GABRG3: variants seen among roughly 807,000 people sequenced by gnomAD.
GABRG3 encodes gamma-aminobutyric acid receptor subunit gamma-3.
GABRG3 carries 25 observed loss-of-function variants against 48.8 expected under a neutral mutation model. The ratio of observed to expected loss-of-function variants is 0.51; its 90% confidence interval spans 0.37 to 0.72. The LOEUF (loss-of-function observed/expected upper bound fraction) is 0.72. Among genes scored for constraint, GABRG3 ranks in the 30% least tolerant of loss-of-function variants. GABRG3 has a pLI of 0.00. For missense variants in GABRG3, 394 were observed against 577.9 expected (o/e 0.68, Z 3.26); for synonymous variants, 227 against 217.6 (o/e 1.04, Z -0.38).
chr15:27,087,118 G>A (rs967191199), intron 3 of GABRG3, among the ~76,000 whole-genome samples: 25 of 152,254 alleles, frequency 1.6e-4, no homozygotes, highest in African/African-American at 4.8e-4. Flanking sequence ...GATGGGTGAC[G>A]TGACCTGAGA....
At position 27,289,903 on chromosome 15, in the gene GABRG3, G is replaced by A. The variant is rs546803918; in HGVS notation, c.271-36906G>A. Among the ~76,000 whole-genome samples the A allele has an allele frequency of 1.7e-4, 26 of 152,212 alleles. No homozygotes were observed. In the South Asian group the frequency reaches 5.0e-3, roughly 29 times the overall value. ...CACACATCATTTCCTTGTTTTGGCC[G>A]GGGATAATGAGACTCCAGTGGTAAC... On this transcript the variant is annotated intron_variant, in intron 3 of 9. Coordinates refer to ENST00000615808, the MANE Select transcript of GABRG3 (RefSeq NM_033223.5).
Position 27,225,988 on chromosome 15 carries a change from A to G in GABRG3, c.271-100821A>G, listed in dbSNP as rs116522199. 9.3e-3 allele frequency among the ~76,000 whole-genome samples: 1,417 copies of G among 152,236 alleles called. 34 individuals carry two copies. The highest frequency in any genetic ancestry group is 0.032 in the African/African-American group (1,335 of 41,542). ...GAAATGATGACCACTTTTTGCATTTATTTCTCTGGATGTGTCTTGCAGGCA... is the reference window on the plus strand; with the variant it reads ...GAAATGATGACCACTTTTTGCATTTGTTTCTCTGGATGTGTCTTGCAGGCA... On this transcript the variant is annotated intron_variant, in intron 3 of 9. Transcript: ENST00000615808.
At chr15:27,145,618 T>TATCTATCTATC (rs1898191171) in intron 3 of GABRG3, among the ~76,000 whole-genome samples, 4 of 145,728 alleles carry the variant, frequency 2.7e-5, no homozygotes, top group Admixed American at 7.0e-5. Flanking sequence ...TCTATCTATC[T>TATCTATCTATC]ATCTATCTAT....
intron 5 of GABRG3, among the ~76,000 whole-genome samples, chr15:27,387,877 GGGAGGGGAAGGAGGGAAGGAAGGAAGGA>G (rs1895978712): frequency 1.3e-5 from 1 of 77,418 alleles, no homozygotes; most frequent in Non-Finnish European, 2.8e-5. Context: ...GAGGGAGGGA[GGGAGGGGAAGGAGGGAAGGAAGGAAGGA>G]GGGAAGGAGG....
intron 2 of GABRG3, among the ~76,000 whole-genome samples, chr15:26,983,304 C>T (rs1297222967): frequency 6.6e-6 from 1 of 152,078 alleles, no homozygotes; most frequent in East Asian, 1.9e-4. Flanking sequence ...TTGCTCACTT[C>T]CTTTACACCC....
chr15:27,250,209 C>T (rs945192478), intron 3 of GABRG3, among the ~76,000 whole-genome samples: 1 of 152,270 alleles, frequency 6.6e-6, no homozygotes, highest in African/African-American at 2.4e-5. Context: ...TAGAGGAGCA[C>T]CATCAGCTCC....
At chr15:27,286,145 C>T (rs1354427920) in intron 3 of GABRG3, among the ~76,000 whole-genome samples, 3 of 152,194 alleles carry the variant, frequency 2.0e-5, no homozygotes, top group East Asian at 3.8e-4. Flanking sequence ...ATTCACTCAT[C>T]AAGCATTTTC....
chr15:27,293,806 C>A (rs906091989), intron 3 of GABRG3, among the ~76,000 whole-genome samples: 6 of 152,116 alleles, frequency 3.9e-5, no homozygotes, highest in African/African-American at 1.2e-4. Context: ...TATTGATTAT[C>A]TACTACAGGC....
At chr15:27,365,728 A>G (rs1895174009) in intron 5 of GABRG3, 1 of 152,144 alleles carries the variant, frequency 6.6e-6, no homozygotes, top group African/African-American at 2.4e-5. Flanking sequence ...GTTGTGTGCA[A>G]AACATTCCTG....
chr15:27,509,735 A>G (rs8038331), intron 6 of GABRG3, among the ~76,000 whole-genome samples: 91,358 of 152,024 alleles, frequency 0.6, 28,245 homozygotes, highest in African/African-American at 0.73. Context: ...CCATTATGCT[A>G]ATTTCCATTG....
chr15:27,131,294 A>T (rs376169122), intron 3 of GABRG3, among the ~76,000 whole-genome samples: 3 of 152,062 alleles, frequency 2.0e-5, no homozygotes, highest in Non-Finnish European at 1.5e-5. Flanking sequence ...TGAGATGATC[A>T]TGTGCTTTTT....
At chr15:27,227,838 A>G (rs1889672370) in intron 3 of GABRG3, among the ~76,000 whole-genome samples, 1 of 152,348 alleles carries the variant, frequency 6.6e-6, no homozygotes, top group African/African-American at 2.4e-5. Context: ...TTATTTGAAT[A>G]TGCCAGCCTA....
At chr15:27,399,085 A>C (rs1887404872) in intron 5 of GABRG3, among the ~76,000 whole-genome samples, 1 of 152,240 alleles carries the variant, frequency 6.6e-6, no homozygotes, top group Non-Finnish European at 1.5e-5. Context: ...CCACAAATCT[A>C]AATGAAAAGA....
At chr15:27,034,473 C>T (rs1419567101) in intron 3 of GABRG3, among the ~76,000 whole-genome samples, 4 of 152,146 alleles carry the variant, frequency 2.6e-5, no homozygotes, top group Non-Finnish European at 1.5e-5. Context: ...AAGAATAACT[C>T]TTTCCACACT....
At chr15:27,503,497 C>A (rs755365163) in intron 6 of GABRG3, among the ~76,000 whole-genome samples, 11 of 152,122 alleles carry the variant, frequency 7.2e-5, no homozygotes, top group Non-Finnish European at 1.0e-4. Context: ...TAAAATGGAA[C>A]TTTTGGATTT....
intron 3 of GABRG3, among the ~76,000 whole-genome samples, chr15:27,040,976 C>A (rs997227262): frequency 6.6e-6 from 1 of 152,108 alleles, no homozygotes; most frequent in African/African-American, 2.4e-5. Flanking sequence ...GTGAGGTGTG[C>A]TCGTGCGGGG....
At chr15:27,259,171 G>A (rs1014602863) in intron 3 of GABRG3, among the ~76,000 whole-genome samples, 7 of 152,140 alleles carry the variant, frequency 4.6e-5, no homozygotes, top group African/African-American at 1.7e-4. Context: ...CTTGACTATT[G>A]TGAATAGTGC....
intron 2 of GABRG3, among the ~76,000 whole-genome samples, chr15:27,005,864 A>C (rs989506184): frequency 6.6e-6 from 1 of 152,138 alleles, no homozygotes; most frequent in Non-Finnish European, 1.5e-5. Flanking sequence ...GTTTTTCCCT[A>C]ATTTGTACCT....
Position 26,975,843 on chromosome 15 carries a change from AT to A in GABRG3, c.54-1157del, listed in dbSNP as rs1894932464. Among the ~76,000 whole-genome samples, 1 of 152,180 alleles carries A rather than the reference AT, an allele frequency of 6.6e-6. No homozygotes were observed. Among genetic ancestry groups the A allele is most frequent in the African/African-American group, 2.4e-5 (1 of 41,458 alleles). On this transcript the variant is annotated intron_variant, in intron 1 of 9. Coordinates refer to ENST00000615808, the MANE Select transcript of GABRG3 (RefSeq NM_033223.5). This position sits in a 1 kb window ranked among gnomAD's most constrained non-coding sequence, Gnocchi z 4.6. ...CAAATCCGCTTCCGTGCAGTTTTCA[AT>A]TCTTTTTATTCTCTTCTGTGAAGAA...
Sources: gnomAD v4.1 joint callset for allele counts (sites outside exome capture counted in the v4.1 genomes callset) on GRCh38, gnomAD v4.1.1 for gene constraint, Gnocchi (gnomAD v3.1) non-coding constraint, MANE v1.5 for transcripts, NCBI Gene and HGNC (gene_info 2026-07-23, HGNC 2026-07-21) for gene names.